The following ARHGEF28 variants were observed in gnomAD, a reference collection of about 807,000 sequenced individuals.
ARHGEF28 encodes the protein 190 kDa guanine nucleotide exchange factor.
A neutral mutation model predicts 206.6 loss-of-function variants in ARHGEF28; 152 were observed. The ratio of observed to expected loss-of-function variants is 0.74; its 90% CI spans 0.64 to 0.84. ARHGEF28 has a LOEUF of 0.84. ARHGEF28 is among the 40% of genes least tolerant of loss of function. The pLI, the probability that ARHGEF28 is intolerant of heterozygous loss-of-function variation, is 0.00. For missense variants in ARHGEF28, 2,028 were observed against 2,073.2 expected (o/e 0.98, Z 0.42); for synonymous variants, 763 against 776.4 (o/e 0.98, Z 0.29).
chr5:73,763,394 G>A (rs1272743583), intron 4 of ARHGEF28, among the ~76,000 whole-genome samples: 3 of 152,138 alleles, frequency 2.0e-5, no homozygotes, highest in Non-Finnish European at 4.4e-5. Context: ...TCCAGTGCAA[G>A]GGCACTGAAT....
At chr5:73,723,188 A>T (rs1750062377) in intron 2 of ARHGEF28, among the ~76,000 whole-genome samples, 1 of 152,078 alleles carries the variant, frequency 6.6e-6, no homozygotes, top group African/African-American at 2.4e-5. Context: ...TTGAAGGAAA[A>T]GAATTTTTTT....
At chr5:73,911,699 C>A in intron 35 of ARHGEF28, 124 bp downstream of exon 35, 2 of 1,050,644 alleles carry the variant, frequency 1.9e-6, no homozygotes, top group Non-Finnish European at 1.3e-6. Context: ...TACTGATGAG[C>A]TGGAGTTTGT....
chr5:73,659,335 C>T lies in ARHGEF28; in HGVS notation c.-11-25506C>T, dbSNP rs568657743. On this transcript the variant is annotated intron_variant, in intron 1 of 35. Transcript: ENST00000513042. ...CACGAGGTCAGGAGATCAAGACCAT[C>T]CTGGCTAACACGGTGAAACCCCGTC... Among the ~76,000 whole-genome samples, 3 of 152,240 alleles carry T rather than the reference C, an allele frequency of 2.0e-5. No individual in the cohort carries two copies. The East Asian group carries it at 5.8e-4, about 29-fold the overall frequency.
chr5:73,787,599 A>C (rs534280453), intron 7 of ARHGEF28, among the ~76,000 whole-genome samples: 2 of 151,522 alleles, frequency 1.3e-5, no homozygotes, highest in East Asian at 3.9e-4. Flanking sequence ...ACTTTATTCA[A>C]CTCCCACTTA....
chr5:73,737,325 T>C (rs1342652604), intron 2 of ARHGEF28, among the ~76,000 whole-genome samples: 2 of 152,140 alleles, frequency 1.3e-5, no homozygotes, highest in African/African-American at 4.8e-5. Context: ...GCTTTTCCTA[T>C]TTCAACTAAG....
intron 13 of ARHGEF28, among the ~76,000 whole-genome samples, chr5:73,850,747 CT>C (rs756233264): frequency 3.0e-4 from 46 of 152,124 alleles, no homozygotes; most frequent in Non-Finnish European, 6.2e-4. Flanking sequence ...GGAAGGGTGT[CT>C]TTACCTTACA....
intron 9 of ARHGEF28, chr5:73,813,410 A>G: frequency 1.5e-6 from 2 of 1,297,082 alleles, no homozygotes; most frequent in Non-Finnish European, 2.0e-6. Context: ...TACACGCCTG[A>G]ATGCCCGAAG....
At position 73,761,412 on chromosome 5, in the gene ARHGEF28, A is replaced by G. The variant is rs767729723; in HGVS notation, c.475+8210A>G. 1.4e-4 allele frequency among the ~76,000 whole-genome samples: 21 copies of G among 152,170 alleles called. No homozygotes were observed. The South Asian group carries it at 2.1e-3, about 15-fold the overall frequency. On this transcript the variant is annotated intron_variant, in intron 4 of 35. Transcript: ENST00000513042. ...AAAACTACCAATGTTTGGAGGTTAA[A>G]ATCCCCACGATTGAAAAAGTTGGGT...
At chr5:73,669,047 C>A (rs1277994742) in intron 1 of ARHGEF28, among the ~76,000 whole-genome samples, 48 of 152,116 alleles carry the variant, frequency 3.2e-4, no homozygotes, top group Non-Finnish European at 2.9e-5. Flanking sequence ...CATGATTTAG[C>A]AATTTCTTTG....
At chr5:73,762,317 G>T (rs111962544) in intron 4 of ARHGEF28, among the ~76,000 whole-genome samples, 4 of 151,678 alleles carry the variant, frequency 2.6e-5, no homozygotes, top group African/African-American at 9.7e-5. Context: ...TTAGCCAGGC[G>T]TGGTGGTGCA....
In ARHGEF28 at chr5:73,776,600, G is replaced by GCTGACC; in HGVS notation, c.755_760dup (p.Thr252_Leu253dup). The GCTGACC allele has an allele frequency of 3.1e-6, 5 of 1,613,940 alleles. No individual in the cohort carries two copies. The highest frequency in any genetic ancestry group is 4.2e-6 in the Non-Finnish European group (5 of 1,179,854). On this transcript the variant is annotated inframe_insertion, in exon 6 of 36. Coordinates refer to ENST00000513042, the MANE Select transcript of ARHGEF28 (RefSeq NM_001177693.2). ...TGCATTACATTCACTCATCGGAAACGCTGACCCTGACCCTGAACCACACAG... is the reference window on the plus strand; with the variant it reads ...TGCATTACATTCACTCATCGGAAACGCTGACCCTGACCCTGACCCTGAACCACACAG...
intron 1 of ARHGEF28, among the ~76,000 whole-genome samples, chr5:73,676,827 T>C (rs778265665): frequency 1.3e-5 from 2 of 152,210 alleles, no homozygotes; most frequent in African/African-American, 2.4e-5. Flanking sequence ...CTAAGTATTT[T>C]TCCCAGTAGT....
At chr5:73,674,898 G>C (rs1019967475) in intron 1 of ARHGEF28, among the ~76,000 whole-genome samples, 18 of 152,298 alleles carry the variant, frequency 1.2e-4, no homozygotes, top group African/African-American at 4.3e-4. Context: ...GGGTAGGGAA[G>C]CTCCTTGCCC....
At chr5:73,808,280 G>A (rs1023942071) in intron 9 of ARHGEF28, among the ~76,000 whole-genome samples, 2 of 152,118 alleles carry the variant, frequency 1.3e-5, no homozygotes, top group South Asian at 4.2e-4. Flanking sequence ...AGGAAAATCA[G>A]AATTCACACC....
intron 1 of ARHGEF28, among the ~76,000 whole-genome samples, chr5:73,665,647 G>A (rs1745904046): frequency 6.6e-6 from 1 of 152,166 alleles, no homozygotes; most frequent in Non-Finnish European, 1.5e-5. Context: ...AAGAGAGCAT[G>A]AGAGAGGAAG....
intron 2 of ARHGEF28, among the ~76,000 whole-genome samples, chr5:73,695,262 C>T (rs1748118781): frequency 6.6e-6 from 1 of 152,186 alleles, no homozygotes; most frequent in Admixed American, 6.5e-5. Flanking sequence ...TTTCAATGTT[C>T]GTGAACTCTG....
chr5:73,686,082 T>C (rs1248115995), intron 2 of ARHGEF28, among the ~76,000 whole-genome samples: 1 of 152,158 alleles, frequency 6.6e-6, no homozygotes, highest in Non-Finnish European at 1.5e-5. Flanking sequence ...ACCAAATTGA[T>C]TCCAGAATAG....
At chr5:73,802,921 T>TGTGTGTGTGTGTGTG in intron 9 of ARHGEF28, among the ~76,000 whole-genome samples, 1 of 121,078 alleles carries the variant, frequency 8.3e-6, no homozygotes, top group Non-Finnish European at 1.9e-5. Context: ...TGTGTGTGTG[T>TGTGTGTGTGTGTGTG]TGGTAGGCTT....
intron 2 of ARHGEF28, among the ~76,000 whole-genome samples, chr5:73,741,430 T>C (rs1454940450): frequency 2.1e-5 from 1 of 46,628 alleles, no homozygotes; most frequent in African/African-American, 5.7e-5. Context: ...TATATATATA[T>C]ATATATATAT....
Sources: allele counts gnomAD v4.1 joint callset (sites outside exome capture counted in the v4.1 genomes callset), GRCh38; gene constraint gnomAD v4.1.1; transcripts MANE v1.5; gene names NCBI Gene and HGNC (gene_info 2026-07-23, HGNC 2026-07-21).